The following DCTN5 variants were observed in gnomAD, a reference collection of about 807,000 sequenced individuals.
The protein encoded by DCTN5 is dynactin 4.
A neutral mutation model predicts 23.5 loss-of-function variants in DCTN5; 14 were observed. That is an observed-to-expected ratio of 0.60 (90% confidence interval 0.39 to 0.93). The LOEUF is 0.93. Ranked by LOEUF, DCTN5 falls within the 40% of genes least tolerant of loss-of-function variation. The probability of loss-of-function intolerance (pLI) is 0.00; values close to 1 mark genes in which losing one functional copy is unlikely to be tolerated. For synonymous variants in DCTN5, 67 were observed against 79.6 expected (o/e 0.84, Z 0.84); for missense variants, 156 against 225.9 (o/e 0.69, Z 1.98).
chr16:23,663,016 A>G (rs1967842996), intron 4 of DCTN5, among the ~76,000 whole-genome samples: 1 of 152,216 alleles, frequency 6.6e-6, no homozygotes, highest in Non-Finnish European at 1.5e-5. Context: ...ACTCGATCTC[A>G]GGAGAGATTC....
intron 2 of DCTN5, among the ~76,000 whole-genome samples, chr16:23,654,967 T>C (rs1967673625): frequency 6.6e-6 from 1 of 152,224 alleles, no homozygotes; most frequent in South Asian, 2.1e-4. Context: ...TTCCATTATG[T>C]ATATATACTA....
In DCTN5 at chr16:23,673,255, T is replaced by C. The variant is rs1968040286; in HGVS notation, c.*6111T>C. ...TAGGAGGATTTTCTTTAATATATCA[T>C]TTTTTAAAAAAAAACTTGCTTGTAT... On this transcript the variant is annotated 3_prime_UTR_variant, in exon 6 of 6. Transcript: ENST00000300087. The C allele has an allele frequency of 2.0e-5, 3 of 152,154 alleles. No homozygotes were observed. 9.4% of individuals were successfully genotyped at this position (152,154 alleles called of 1,614,324 possible).
At chr16:23,657,228 G>A (rs1399191021) in intron 2 of DCTN5, among the ~76,000 whole-genome samples, 1 of 152,160 alleles carries the variant, frequency 6.6e-6, no homozygotes, top group Non-Finnish European at 1.5e-5. Context: ...AAAGTTGGAG[G>A]ATTGATTGCA....
intron 2 of DCTN5, among the ~76,000 whole-genome samples, chr16:23,646,555 C>T (rs753602311): frequency 6.6e-6 from 1 of 151,896 alleles, no homozygotes; most frequent in Non-Finnish European, 1.5e-5. Context: ...GTGTTTAGGT[C>T]ATTGATCCAT....
In DCTN5 at chr16:23,665,748, A is replaced by T; in HGVS notation, c.451+20A>T. 1 of 1,593,562 alleles carries T rather than the reference A, an allele frequency of 6.3e-7. No homozygotes were observed. Among genetic ancestry groups the T allele is most frequent in the Non-Finnish European group, 8.6e-7 (1 of 1,166,296 alleles). On this transcript the variant is annotated intron_variant, in intron 5 of 5. Coordinates refer to ENST00000300087, the MANE Select transcript of DCTN5 (RefSeq NM_032486.4). ...GCCCAGGTAACCTTGGCTGTTGATT[A>T]ATTTTATTTTAACTTCCTAAAACTC... is the stretch of plus-strand genomic sequence containing the variant.
At chr16:23,655,343 T>G (rs1465826841) in intron 2 of DCTN5, among the ~76,000 whole-genome samples, 1 of 152,086 alleles carries the variant, frequency 6.6e-6, no homozygotes, top group African/African-American at 2.4e-5. Context: ...TTGACTAGGG[T>G]GGGGTAGGGA....
chr16:23,643,401 C>T (rs1394263933), intron 2 of DCTN5, among the ~76,000 whole-genome samples: 1 of 151,828 alleles, frequency 6.6e-6, no homozygotes, highest in Admixed American at 6.6e-5. Flanking sequence ...TCATGTTGGC[C>T]AGGCTGGTCT....
chr16:23,676,754 G>A lies in DCTN5; in HGVS notation c.*9610G>A, dbSNP rs1192647660. ...TTTTGCTGTAAAGAAGCCTCAATAA[G>A]GAGATGGACTGTGTGAAAAGAGATG... On this transcript the variant is annotated 3_prime_UTR_variant, in exon 6 of 6. Transcript: ENST00000300087. The A allele has an allele frequency of 6.6e-6, 1 of 152,222 alleles. No individual in the cohort carries two copies. The highest frequency in any genetic ancestry group is 1.5e-5 in the Non-Finnish European group (1 of 68,044). 9.4% of individuals were successfully genotyped at this position (152,222 alleles called of 1,614,324 possible). A position where few individuals can be genotyped will look rare whatever the true frequency, so the allele number is the denominator to read the frequency against.
At chr16:23,666,197 G>C (rs1016074978) in intron 5 of DCTN5, among the ~76,000 whole-genome samples, 7 of 152,214 alleles carry the variant, frequency 4.6e-5, no homozygotes, top group African/African-American at 1.7e-4. Flanking sequence ...TGGACTCTGG[G>C]TAGAAAAAGT....
At chr16:23,642,482 C>T in intron 1 of DCTN5, 1 of 155,948 alleles carries the variant, frequency 6.4e-6, no homozygotes, top group South Asian at 1.9e-4. Flanking sequence ...CCCTAGTTTC[C>T]TTTGTGTTTT....
chr16:23,644,143 G>T (rs8050276), intron 2 of DCTN5, among the ~76,000 whole-genome samples: 9,584 of 150,984 alleles, frequency 0.063, 642 homozygotes, highest in African/African-American at 0.16. Context: ...TTCCTTTTTT[G>T]TTGAGACAGA....
In DCTN5 at chr16:23,668,793, G is replaced by T. The variant is rs974500783; in HGVS notation, c.*1649G>T. ...AGACCTGCATCCTCCTAGCTTGGGG[G>T]CTCTGAATGAAAGGTTTCTTCCCTT... is the stretch of plus-strand genomic sequence containing the variant. On this transcript the variant is annotated 3_prime_UTR_variant, in exon 6 of 6. Coordinates refer to ENST00000300087, the MANE Select transcript of DCTN5 (RefSeq NM_032486.4). 6.6e-6 allele frequency: 1 copy of T among 152,126 alleles called. No homozygotes were observed. Among genetic ancestry groups the T allele is most frequent in the African/African-American group, 2.4e-5 (1 of 41,410 alleles). 9.4% of individuals were successfully genotyped at this position (152,126 alleles called of 1,614,324 possible). A position where few individuals can be genotyped will look rare whatever the true frequency, so the allele number is the denominator to read the frequency against.
chr16:23,654,758 C>T (rs1967669028), intron 2 of DCTN5, among the ~76,000 whole-genome samples: 1 of 152,166 alleles, frequency 6.6e-6, no homozygotes, highest in Non-Finnish European at 1.5e-5. Context: ...CTCTTCCTTC[C>T]TCCTACCTTT....
Position 23,672,193 on chromosome 16 carries a change from A to G in DCTN5, c.*5049A>G, listed in dbSNP as rs1450413947. The G allele has an allele frequency of 1.3e-5, 2 of 152,208 alleles. No individual in the cohort carries two copies. The highest frequency in any genetic ancestry group is 2.9e-5 in the Non-Finnish European group (2 of 68,050). 9.4% of individuals were successfully genotyped at this position (152,208 alleles called of 1,614,324 possible). On this transcript the variant is annotated 3_prime_UTR_variant, in exon 6 of 6. Transcript: ENST00000300087. ...TGTGAGAGACTCTGAGCTTCCTGGGAACAGGTATAGGTTCTTTTTATTTCA... is the reference window on the plus strand; with the variant it reads ...TGTGAGAGACTCTGAGCTTCCTGGGGACAGGTATAGGTTCTTTTTATTTCA...
Position 23,658,617 on chromosome 16 carries a change from C to G in DCTN5, c.228C>G (p.Phe76Leu). Residue 76 changes from phenylalanine to leucine, a missense_variant, in exon 3 of 6, where the codon TTC becomes TTG. Coordinates refer to ENST00000300087, the MANE Select transcript of DCTN5 (RefSeq NM_032486.4). ...TCATAAGGCCACCATTCAAGAAGTT[C>G]AGCAAAGGGTATGTAATTTAATTAC... ...RSVIRPPFKK[F>L]SKGVAFFPLH... 2 of 1,613,000 alleles carry G rather than the reference C, an allele frequency of 1.2e-6. No homozygotes were observed. Among genetic ancestry groups the G allele is most frequent in the Non-Finnish European group, 1.7e-6 (2 of 1,178,944 alleles).
At chr16:23,647,633 C>T (rs1178647941) in intron 2 of DCTN5, among the ~76,000 whole-genome samples, 1 of 151,524 alleles carries the variant, frequency 6.6e-6, no homozygotes, top group African/African-American at 2.4e-5. Flanking sequence ...TCAGCCTCCC[C>T]AGTACCTGGT....
rs1373090768 is a variant in DCTN5 at position 23,676,989 on chromosome 16, A to G, written c.*9845A>G. The G allele has an allele frequency of 1.3e-5, 2 of 152,248 alleles. No individual in the cohort carries two copies. The highest frequency in any genetic ancestry group is 3.8e-4 in the East Asian group (2 of 5,196). 9.4% of individuals were successfully genotyped at this position (152,248 alleles called of 1,614,324 possible). On this transcript the variant is annotated 3_prime_UTR_variant, in exon 6 of 6. Coordinates refer to ENST00000300087, the MANE Select transcript of DCTN5 (RefSeq NM_032486.4). ...GCAGAGGATGAGGTGAGCAGCTCCCAATGAGAACCCTGAACACTGAGTCTG... is the reference window on the plus strand; with the variant it reads ...GCAGAGGATGAGGTGAGCAGCTCCCGATGAGAACCCTGAACACTGAGTCTG...
rs1968052681 is a variant in DCTN5, at chr16:23,673,950, T to C, written c.*6806T>C. 6.6e-6 allele frequency: 1 copy of C among 152,168 alleles called. No homozygotes were observed. The highest frequency in any genetic ancestry group is 6.5e-5 in the Admixed American group (1 of 15,288). 9.4% of individuals were successfully genotyped at this position (152,168 alleles called of 1,614,324 possible). On this transcript the variant is annotated 3_prime_UTR_variant, in exon 6 of 6. Coordinates refer to ENST00000300087, the MANE Select transcript of DCTN5 (RefSeq NM_032486.4). ...TAGTCTAATATGCATTTTTTTTGAGTGGGTCAATTGGACTCTAAGACCAAC... is the reference window on the plus strand; with the variant it reads ...TAGTCTAATATGCATTTTTTTTGAGCGGGTCAATTGGACTCTAAGACCAAC...
At chr16:23,665,811 C>G in intron 5 of DCTN5, 83 bp downstream of exon 5, 5 of 1,146,142 alleles carry the variant, frequency 4.4e-6, no homozygotes, top group South Asian at 1.4e-5. Context: ...GCTTACGATT[C>G]CTATCTCTGG....
Sources: gnomAD v4.1 joint callset for allele counts (sites outside exome capture counted in the v4.1 genomes callset) on GRCh38, gnomAD v4.1.1 for gene constraint, MANE v1.5 for transcripts, NCBI Gene and HGNC (gene_info 2026-07-23, HGNC 2026-07-21) for gene names.